The following PDGFD variants were observed in gnomAD, a reference collection of about 807,000 sequenced individuals.
The protein encoded by PDGFD is platelet derived growth factor D.
PDGFD carries 30 observed loss-of-function variants against 44.7 expected under a neutral mutation model. That is an observed-to-expected ratio of 0.67 (90% confidence interval 0.50 to 0.91). The LOEUF (loss-of-function observed/expected upper bound fraction) is 0.91. PDGFD is among the 40% of genes least tolerant of loss of function. PDGFD has a pLI of 0.00. For synonymous variants in PDGFD, 173 were observed against 168.4 expected (o/e 1.03, Z -0.21); for missense variants, 445 against 457.8 (o/e 0.97, Z 0.25).
chr11:104,148,842 G>A (rs762190827), intron 1 of PDGFD, among the ~76,000 whole-genome samples: 1 of 152,040 alleles, frequency 6.6e-6, no homozygotes, highest in Non-Finnish European at 1.5e-5. Context: ...AGAACATATT[G>A]TATTTGGTTT....
chr11:104,041,574 T>G (rs1366591972), intron 1 of PDGFD, among the ~76,000 whole-genome samples: 3 of 152,268 alleles, frequency 2.0e-5, no homozygotes, highest in South Asian at 4.1e-4. Context: ...AAATAGACCT[T>G]TCCTGTCTCA....
At chr11:104,138,032 C>T (rs1862036579) in intron 1 of PDGFD, among the ~76,000 whole-genome samples, 1 of 152,106 alleles carries the variant, frequency 6.6e-6, no homozygotes. Context: ...ATCTTGTATC[C>T]TCCACTTTTA....
chr11:103,937,800 G>A (rs368414536), intron 5 of PDGFD, among the ~76,000 whole-genome samples: 3 of 147,678 alleles, frequency 2.0e-5, no homozygotes, highest in East Asian at 2.0e-4. Flanking sequence ...GAGAACATGC[G>A]GTGTTTGGTT....
intron 1 of PDGFD, among the ~76,000 whole-genome samples, chr11:104,141,818 C>T (rs1288779817): frequency 6.6e-6 from 1 of 152,146 alleles, no homozygotes; most frequent in Non-Finnish European, 1.5e-5. Context: ...CTCCCCTACG[C>T]CCTCCAGAAG....
intron 3 of PDGFD, among the ~76,000 whole-genome samples, chr11:103,973,105 G>T (rs1859125972): frequency 6.6e-6 from 1 of 151,218 alleles, no homozygotes; most frequent in Non-Finnish European, 1.5e-5. Context: ...GTATAAGAAG[G>T]CATTAATGAT....
intron 1 of PDGFD, among the ~76,000 whole-genome samples, chr11:104,128,859 T>A (rs985294994): frequency 3.3e-5 from 5 of 152,128 alleles, no homozygotes; most frequent in African/African-American, 9.7e-5. Flanking sequence ...TAAATGGCAG[T>A]GATTGTTATT....
At chr11:103,966,124 A>C (rs1313087185) in intron 3 of PDGFD, among the ~76,000 whole-genome samples, 1 of 152,176 alleles carries the variant, frequency 6.6e-6, no homozygotes, top group Non-Finnish European at 1.5e-5. Flanking sequence ...AAAAACATCT[A>C]ATTAGAGTCA....
intron 6 of PDGFD, among the ~76,000 whole-genome samples, chr11:103,918,527 CAA>C (rs534792658): frequency 1.3e-5 from 2 of 152,144 alleles, no homozygotes; most frequent in African/African-American, 4.8e-5. Context: ...TGACGGCAAA[CAA>C]AAGTGTGTGC....
intron 1 of PDGFD, among the ~76,000 whole-genome samples, chr11:104,157,876 CAT>C (rs1254325599): frequency 7.2e-5 from 11 of 152,234 alleles, no homozygotes; most frequent in African/African-American, 2.6e-4. Context: ...TTGGATACTG[CAT>C]AGATATTTCA....
At chr11:104,064,295 G>A (rs1245953679) in intron 1 of PDGFD, among the ~76,000 whole-genome samples, 1 of 152,184 alleles carries the variant, frequency 6.6e-6, no homozygotes, top group African/African-American at 2.4e-5. Context: ...CATCGACTGG[G>A]CTTACAAGGA....
At chr11:104,116,395 A>G (rs925661201) in intron 1 of PDGFD, among the ~76,000 whole-genome samples, 7 of 151,906 alleles carry the variant, frequency 4.6e-5, no homozygotes, top group African/African-American at 1.7e-4. Flanking sequence ...CTATGTGCCT[A>G]TTTTTATACC....
intron 3 of PDGFD, among the ~76,000 whole-genome samples, chr11:103,994,196 T>C (rs540750931): frequency 6.6e-6 from 1 of 152,346 alleles, no homozygotes; most frequent in South Asian, 2.1e-4. Context: ...AACTGACTTA[T>C]GGAACATTCA....
intron 1 of PDGFD, among the ~76,000 whole-genome samples, chr11:104,070,684 T>G (rs1267213337): frequency 6.6e-6 from 1 of 152,154 alleles, no homozygotes; most frequent in Non-Finnish European, 1.5e-5. Flanking sequence ...GCTAACAATA[T>G]ATTCTGAAAA....
At chr11:104,014,373 G>A (rs1331494350) in intron 1 of PDGFD, among the ~76,000 whole-genome samples, 1 of 152,080 alleles carries the variant, frequency 6.6e-6, no homozygotes, top group Admixed American at 6.6e-5. Context: ...GCATGCACCT[G>A]CAGTACCAGT....
At chr11:104,006,603 C>T (rs1046955743) in intron 1 of PDGFD, among the ~76,000 whole-genome samples, 2 of 152,160 alleles carry the variant, frequency 1.3e-5, no homozygotes, top group Admixed American at 6.5e-5. Context: ...ATCCTGTACC[C>T]ATAATAACTC....
At chr11:104,135,379 A>G (rs1025718319) in intron 1 of PDGFD, among the ~76,000 whole-genome samples, 8 of 152,186 alleles carry the variant, frequency 5.3e-5, no homozygotes, top group Non-Finnish European at 7.3e-5. Flanking sequence ...AACAGATAGA[A>G]TTGACTGTTT....
intron 1 of PDGFD, among the ~76,000 whole-genome samples, chr11:104,057,758 T>C (rs370853779): frequency 1.9e-3 from 291 of 152,306 alleles, no homozygotes; most frequent in African/African-American, 6.7e-3. Context: ...TCATAATACC[T>C]GATTTCAAGA....
At chr11:103,969,474 G>GTT (rs66571550) in intron 3 of PDGFD, among the ~76,000 whole-genome samples, 2,453 of 89,730 alleles carry the variant, frequency 0.027, 117 homozygotes, top group African/African-American at 0.051. Flanking sequence ...ACCAAGCCTG[G>GTT]TTTTTTTTTT....
rs1861698009 is a variant in PDGFD, at chr11:104,119,036, A to ATATATT, written c.124+44767_124+44768insAATATA. Reference sequence around the variant, plus strand: ...ATATATTATATAATATATCGATATAATATATAATATATTGATATATTAATA... The same window carrying ATATATT: ...ATATATTATATAATATATCGATATAATATATTTATATAATATATTGATATATTAATA... On this transcript the variant is annotated intron_variant, in intron 1 of 6. Transcript: ENST00000393158. Among the ~76,000 whole-genome samples, 2 of 782 alleles carry ATATATT rather than the reference A, an allele frequency of 2.6e-3. 1 individual carries two copies. The highest frequency in any genetic ancestry group is 5.8e-3 in the African/African-American group (2 of 342). 0.5% of individuals were successfully genotyped at this position (782 alleles called of 152,430 possible).
Sources: allele counts gnomAD v4.1 joint callset (sites outside exome capture counted in the v4.1 genomes callset), GRCh38; gene constraint gnomAD v4.1.1; transcripts MANE v1.5; gene names NCBI Gene and HGNC (gene_info 2026-07-23, HGNC 2026-07-21).